The following TCF7L1 variants were observed in gnomAD, a reference collection of about 807,000 sequenced individuals.
The protein encoded by TCF7L1 is transcription factor 7 like 1, also known as transcription factor 7-like 1.
Under a neutral mutation model 63.7 loss-of-function variants are expected in TCF7L1, and 18 were observed. That is an observed-to-expected ratio of 0.28 (90% CI 0.20 to 0.42). The LOEUF (loss-of-function observed/expected upper bound fraction) is 0.42, where lower values mean the gene tolerates loss of function less well. TCF7L1 is among the 10% of genes least tolerant of loss of function. The pLI, the probability that TCF7L1 is intolerant of heterozygous loss-of-function variation, is 1.00. For missense variants in TCF7L1, 654 were observed against 779.3 expected (o/e 0.84, Z 1.91); for synonymous variants, 355 against 340.9 (o/e 1.04, Z -0.46).
chr2:85,171,233 A>G (rs1454862769), intron 3 of TCF7L1, among the ~76,000 whole-genome samples: 1 of 152,164 alleles, frequency 6.6e-6, no homozygotes, highest in Non-Finnish European at 1.5e-5. Flanking sequence ...ACCTGCCATC[A>G]TGATTCAGTT....
At chr2:85,153,391 G>GA (rs1678068072) in intron 3 of TCF7L1, among the ~76,000 whole-genome samples, 2 of 130,144 alleles carry the variant, frequency 1.5e-5, no homozygotes, top group Admixed American at 1.9e-4. Context: ...ACCCAGGCTG[G>GA]AGTACAGTGG....
In TCF7L1 at chr2:85,233,507, G is replaced by A. The variant is rs963100612; in HGVS notation, c.442-49988G>A. 5.3e-5 allele frequency among the ~76,000 whole-genome samples: 8 copies of A among 151,508 alleles called. No homozygotes were observed. In the South Asian group the frequency reaches 1.7e-3, roughly 32 times the overall value. On this transcript the variant is annotated intron_variant, in intron 3 of 11. Transcript: ENST00000282111. ...ATTTTTGTATTTTTAGTAGAGATAG[G>A]GTTTCACCATGTTGGCCAGGATGGT...
At chr2:85,260,344 ACC>A (rs1471996104) in intron 3 of TCF7L1, among the ~76,000 whole-genome samples, 2 of 152,146 alleles carry the variant, frequency 1.3e-5, no homozygotes, top group East Asian at 3.9e-4. Context: ...ATTTAAAGAG[ACC>A]TTGTACGTGG....
intron 3 of TCF7L1, among the ~76,000 whole-genome samples, chr2:85,189,648 C>A (rs1420816006): frequency 6.6e-6 from 1 of 152,218 alleles, no homozygotes; most frequent in Non-Finnish European, 1.5e-5. Context: ...GAAGGACGGC[C>A]TCCCTTCCCG....
At chr2:85,169,513 C>T (rs1678498614) in intron 3 of TCF7L1, among the ~76,000 whole-genome samples, 1 of 151,990 alleles carries the variant, frequency 6.6e-6, no homozygotes, top group South Asian at 2.1e-4. Flanking sequence ...ATATGTACCT[C>T]ACAATCAAAC....
At chr2:85,279,808 G>A (rs1036970556) in intron 3 of TCF7L1, among the ~76,000 whole-genome samples, 10 of 152,118 alleles carry the variant, frequency 6.6e-5, no homozygotes, top group East Asian at 3.8e-4. Flanking sequence ...GGTCAGTCCC[G>A]GTGAGATGCT....
rs763337029 is a variant in TCF7L1 at position 85,306,391 on chromosome 2, C to G, written c.1149+26C>G. On this transcript the variant is annotated intron_variant, in intron 9 of 11. Coordinates refer to ENST00000282111, the MANE Select transcript of TCF7L1 (RefSeq NM_031283.3). The surrounding 1 kb of genome is among the most constrained non-coding windows in gnomAD (Gnocchi z 4.3). ...GTAAGACCTGCCCTCTCCCTCCAGG[C>G]CAGGGAGGCAGCGTCCCTGCATTGA... is the stretch of plus-strand genomic sequence containing the variant. 7.4e-6 allele frequency: 12 copies of G among 1,613,006 alleles called. No individual in the cohort carries two copies. Among genetic ancestry groups the G allele is most frequent in the Non-Finnish European group, 8.5e-6 (10 of 1,179,146 alleles).
chr2:85,164,196 G>A (rs1203978328), intron 3 of TCF7L1, among the ~76,000 whole-genome samples: 1 of 152,132 alleles, frequency 6.6e-6, no homozygotes, highest in Non-Finnish European at 1.5e-5. Flanking sequence ...TCAGCGTTCA[G>A]CACGAACCTG....
intron 3 of TCF7L1, among the ~76,000 whole-genome samples, chr2:85,167,732 C>T (rs535865619): frequency 4.6e-5 from 7 of 152,244 alleles, no homozygotes; most frequent in African/African-American, 1.7e-4. Context: ...AGCATGGTGG[C>T]ACATGCCCGT....
chr2:85,224,441 C>T (rs1231868052), intron 3 of TCF7L1, among the ~76,000 whole-genome samples: 3 of 152,254 alleles, frequency 2.0e-5, no homozygotes, highest in Non-Finnish European at 4.4e-5. Flanking sequence ...CACACCCTCT[C>T]CAGCACCTGT....
chr2:85,271,402 C>T (rs955155744), intron 3 of TCF7L1, among the ~76,000 whole-genome samples: 5 of 152,216 alleles, frequency 3.3e-5, no homozygotes, highest in Admixed American at 6.5e-5. Context: ...TAAGCTACCG[C>T]GCCCGGCCCA....
chr2:85,133,703 G>C lies in TCF7L1; in HGVS notation c.19G>C (p.Gly7Arg), dbSNP rs913666698. Residue 7 changes from glycine (G) to arginine (R), a missense_variant, in exon 1 of 12, where the codon GGG becomes CGG. Physicochemically the swap from Gly to Arg is moderately radical, Grantham distance 125 (BLOSUM62 -2). Coordinates refer to ENST00000282111, the MANE Select transcript of TCF7L1 (RefSeq NM_031283.3). The surrounding 1 kb of genome is among the most constrained non-coding windows in gnomAD (Gnocchi z 4.4). MPQLGG[G>R]GGGGGGGSGG... Reference sequence around the variant, plus strand: ...CCCCACCATGCCCCAGCTCGGCGGCGGGGGCGGCGGCGGCGGCGGCGGCAG... The same window carrying C: ...CCCCACCATGCCCCAGCTCGGCGGCCGGGGCGGCGGCGGCGGCGGCGGCAG... 13 of 1,031,308 alleles carry C rather than the reference G, an allele frequency of 1.3e-5. No individual in the cohort carries two copies. Among genetic ancestry groups the C allele is most frequent in the African/African-American group, 2.1e-5 (1 of 47,018 alleles). The allele number at this position is 1,031,308 out of a possible 1,614,324, so 63.9% of individuals were successfully genotyped here. A position where few individuals can be genotyped will look rare whatever the true frequency, so the allele number is the denominator to read the frequency against.
intron 3 of TCF7L1, among the ~76,000 whole-genome samples, chr2:85,144,334 A>C (rs1677813456): frequency 6.7e-6 from 1 of 149,790 alleles, no homozygotes. Context: ...TAATCCCCAC[A>C]CTTTGGGAGG....
chr2:85,298,447 C>T (rs1310038119), intron 4 of TCF7L1, among the ~76,000 whole-genome samples: 12 of 139,738 alleles, frequency 8.6e-5, no homozygotes, highest in African/African-American at 3.3e-4. Context: ...GTCGAGACTG[C>T]ACTCCAGCCT....
At chr2:85,218,349 G>A (rs1679757887) in intron 3 of TCF7L1, among the ~76,000 whole-genome samples, 1 of 152,024 alleles carries the variant, frequency 6.6e-6, no homozygotes, top group Non-Finnish European at 1.5e-5. Flanking sequence ...TCCGCCTCCT[G>A]GGCTCAAGCA....
intron 3 of TCF7L1, among the ~76,000 whole-genome samples, chr2:85,145,713 A>G (rs375467659): frequency 1.0e-3 from 153 of 152,350 alleles, no homozygotes; most frequent in African/African-American, 3.6e-3. Flanking sequence ...GCCCAAGGGC[A>G]AACAATTAGG....
chr2:85,146,047 C>T lies in TCF7L1; in HGVS notation c.441+11597C>T, dbSNP rs574031668. On this transcript the variant is annotated intron_variant, in intron 3 of 11. Transcript: ENST00000282111. ...CCTTGAAATACTTCTTTATCTAAAACCTAACACCTGACTCATAATAAGCGA... is the reference window on the plus strand; with the variant it reads ...CCTTGAAATACTTCTTTATCTAAAATCTAACACCTGACTCATAATAAGCGA... Among the ~76,000 whole-genome samples, 19 of 152,150 alleles carry T rather than the reference C, an allele frequency of 1.2e-4. 1 individual carries two copies. In the South Asian group the frequency reaches 3.7e-3, roughly 30 times the overall value.
In TCF7L1 at chr2:85,156,347, A is replaced by T. The variant is rs527797100; in HGVS notation, c.441+21897A>T. Reference sequence around the variant, plus strand: ...CAAAATGCCCTCTTCCTCAGGAATGACCACCGCAGCCTGCTGCCCCAGTCC... The same window carrying T: ...CAAAATGCCCTCTTCCTCAGGAATGTCCACCGCAGCCTGCTGCCCCAGTCC... On this transcript the variant is annotated intron_variant, in intron 3 of 11. Transcript: ENST00000282111. Among the ~76,000 whole-genome samples the T allele has an allele frequency of 5.9e-5, 9 of 152,296 alleles. No individual in the cohort carries two copies. In the South Asian group the frequency reaches 1.9e-3, roughly 32 times the overall value.
intron 3 of TCF7L1, among the ~76,000 whole-genome samples, chr2:85,245,482 C>T (rs1680439571): frequency 6.6e-6 from 1 of 152,116 alleles, no homozygotes; most frequent in African/African-American, 2.4e-5. Context: ...CCATGTGGCT[C>T]ATCTTTGAGC....
Sources: allele counts gnomAD v4.1 joint callset (sites outside exome capture counted in the v4.1 genomes callset), GRCh38; gene constraint gnomAD v4.1.1; non-coding constraint Gnocchi (gnomAD v3.1); transcripts MANE v1.5; gene names NCBI Gene and HGNC (gene_info 2026-07-23, HGNC 2026-07-21).